Variants in SLC22A23 observed in about 807,000 individuals in gnomAD.
SLC22A23 encodes solute carrier family 22 member 23.
In SLC22A23, 26 loss-of-function variants were observed where a neutral mutation model predicts 61.0. The observed-to-expected ratio is 0.43, with a 90% CI of 0.31 to 0.59. The LOEUF is 0.59. Among genes scored for constraint, SLC22A23 ranks in the 20% least tolerant of loss-of-function variants. The probability of loss-of-function intolerance (pLI) is 0.11; values close to 1 mark genes in which losing one functional copy is unlikely to be tolerated. For missense variants in SLC22A23, 796 were observed against 934.7 expected (o/e 0.85, Z 1.94); for synonymous variants, 430 against 413.9 (o/e 1.04, Z -0.47).
chr6:3,343,174 G>A (rs2127424789), intron 3 of SLC22A23, among the ~76,000 whole-genome samples: 1 of 152,300 alleles, frequency 6.6e-6, no homozygotes, highest in South Asian at 2.1e-4. Flanking sequence ...TGCATCTGCT[G>A]GTTCTCAAAT....
rs75640444 is a variant in SLC22A23 at position 3,306,251 on chromosome 6, C to A, written c.1083-8033G>T. ...GAGCGTACCAAGCCCAAGGGGTCCACCCCCGTGACCCAAACACCTCCCACC... is the reference window on the plus strand; with the variant it reads ...GAGCGTACCAAGCCCAAGGGGTCCAACCCCGTGACCCAAACACCTCCCACC... On this transcript the variant is annotated intron_variant, in intron 4 of 9. Coordinates refer to ENST00000406686, the MANE Select transcript of SLC22A23 (RefSeq NM_015482.2). Among the ~76,000 whole-genome samples the A allele has an allele frequency of 3.2e-3, 481 of 152,292 alleles. 3 individuals are homozygous for A. The highest frequency in any genetic ancestry group is 0.011 in the African/African-American group (463 of 41,560).
intron 3 of SLC22A23, among the ~76,000 whole-genome samples, chr6:3,341,152 G>A (rs1369748762): frequency 4.6e-5 from 7 of 152,190 alleles, no homozygotes; most frequent in African/African-American, 9.7e-5. Context: ...TGAGAGGCTG[G>A]CCCGAGTCAC....
intron 1 of SLC22A23, among the ~76,000 whole-genome samples, chr6:3,431,777 C>T (rs769340623): frequency 2.0e-5 from 3 of 152,226 alleles, no homozygotes; most frequent in Non-Finnish European, 2.9e-5. Context: ...GGCAAACAAA[C>T]GTGTCCACAG....
chr6:3,280,439 C>CCTGTCTGA (rs1187515857), intron 9 of SLC22A23, among the ~76,000 whole-genome samples: 6 of 150,532 alleles, frequency 4.0e-5, no homozygotes, highest in African/African-American at 1.5e-4. Context: ...ATGCTGGCTT[C>CCTGTCTGA]CTGTCTGCTA....
At chr6:3,364,256 A>C (rs1165968119) in intron 3 of SLC22A23, among the ~76,000 whole-genome samples, 2 of 152,200 alleles carry the variant, frequency 1.3e-5, no homozygotes, top group African/African-American at 4.8e-5. Flanking sequence ...CTCTCCATGC[A>C]GGTGAGTGCA....
intron 3 of SLC22A23, among the ~76,000 whole-genome samples, chr6:3,357,780 G>A (rs573417329): frequency 6.6e-6 from 1 of 152,178 alleles, no homozygotes; most frequent in Non-Finnish European, 1.5e-5. Flanking sequence ...ATGCCGAGAT[G>A]AAGCCACACC....
chr6:3,336,380 C>CCCTTTA (rs1763861605), intron 3 of SLC22A23, among the ~76,000 whole-genome samples: 1 of 152,222 alleles, frequency 6.6e-6, no homozygotes, highest in Non-Finnish European at 1.5e-5. Context: ...ATCCATCTGA[C>CCCTTTA]ATCCTGCTGG....
chr6:3,375,579 C>T (rs1454175638), intron 3 of SLC22A23, among the ~76,000 whole-genome samples: 1 of 152,176 alleles, frequency 6.6e-6, no homozygotes, highest in African/African-American at 2.4e-5. Context: ...ACTGCTCAAC[C>T]TATTTTCAGC....
intron 3 of SLC22A23, among the ~76,000 whole-genome samples, chr6:3,357,037 G>C (rs1451135440): frequency 1.0e-5 from 1 of 99,322 alleles, no homozygotes; most frequent in Non-Finnish European, 1.9e-5. Flanking sequence ...CAGCCTGGAA[G>C]AGAAAACCAA....
At chr6:3,337,861 C>T (rs1013515575) in intron 3 of SLC22A23, among the ~76,000 whole-genome samples, 2 of 152,224 alleles carry the variant, frequency 1.3e-5, no homozygotes, top group Non-Finnish European at 2.9e-5. Context: ...ATGCTACTTT[C>T]GCATAAGGAT....
intron 3 of SLC22A23, among the ~76,000 whole-genome samples, chr6:3,364,462 T>A (rs999619224): frequency 6.6e-6 from 1 of 152,092 alleles, no homozygotes; most frequent in African/African-American, 2.4e-5. Context: ...TAAAAAAAAA[T>A]TCATTCCCTT....
intron 3 of SLC22A23, among the ~76,000 whole-genome samples, chr6:3,381,233 C>A (rs1409661687): frequency 6.6e-6 from 1 of 152,156 alleles, no homozygotes; most frequent in Non-Finnish European, 1.5e-5. Context: ...ATCTCCCCAG[C>A]CTGCTGGGGC....
chr6:3,300,771 C>T (rs6903857), intron 4 of SLC22A23, among the ~76,000 whole-genome samples: 24,577 of 152,162 alleles, frequency 0.16, 4,055 homozygotes, highest in African/African-American at 0.42. Flanking sequence ...TTGCTTGTGA[C>T]TGTGTTTTAC....
chr6:3,277,337 C>T (rs1759003101), intron 9 of SLC22A23, among the ~76,000 whole-genome samples: 1 of 152,100 alleles, frequency 6.6e-6, no homozygotes, highest in Non-Finnish European at 1.5e-5. Flanking sequence ...CAAACACTGC[C>T]TCCTCAAGCT....
chr6:3,358,520 A>C (rs969728889), intron 3 of SLC22A23, among the ~76,000 whole-genome samples: 2 of 142,596 alleles, frequency 1.4e-5, no homozygotes, highest in African/African-American at 4.9e-5. Context: ...ATGTAAAAAT[A>C]GGCAAATTCA....
At chr6:3,420,543 A>AG (rs1770052598) in intron 1 of SLC22A23, among the ~76,000 whole-genome samples, 1 of 152,232 alleles carries the variant, frequency 6.6e-6, no homozygotes, top group South Asian at 2.1e-4. Context: ...ATCTCCAAAG[A>AG]GAAAAACTAA....
intron 3 of SLC22A23, among the ~76,000 whole-genome samples, chr6:3,335,245 C>T (rs1205859207): frequency 6.6e-6 from 1 of 152,128 alleles, no homozygotes; most frequent in Non-Finnish European, 1.5e-5. Context: ...TCCTCTAAAC[C>T]CAAGCAAAAC....
At chr6:3,349,507 A>C (rs760965320) in intron 3 of SLC22A23, among the ~76,000 whole-genome samples, 1 of 152,162 alleles carries the variant, frequency 6.6e-6, no homozygotes, top group Non-Finnish European at 1.5e-5. Flanking sequence ...CAGGCCCTGA[A>C]TTATTATAGT....
chr6:3,438,125 C>A (rs891708770), intron 1 of SLC22A23, among the ~76,000 whole-genome samples: 2 of 152,136 alleles, frequency 1.3e-5, no homozygotes, highest in Admixed American at 1.3e-4. Flanking sequence ...TCTCCCCTGC[C>A]ACCACCATTG....
Sources: allele counts gnomAD v4.1 joint callset (sites outside exome capture counted in the v4.1 genomes callset), GRCh38; gene constraint gnomAD v4.1.1; transcripts MANE v1.5; gene names NCBI Gene and HGNC (gene_info 2026-07-23, HGNC 2026-07-21).